The following WDR7 variants were observed in gnomAD, a reference collection of about 807,000 sequenced individuals.
The protein encoded by WDR7 is WD repeat domain 7.
In WDR7, 46 loss-of-function variants were observed where a neutral mutation model predicts 169.4. That is an observed-to-expected ratio of 0.27 (90% CI 0.21 to 0.35). WDR7 has a LOEUF of 0.35. WDR7 is among the 10% of genes least tolerant of loss of function. WDR7 has a pLI of 1.00. For synonymous variants in WDR7, 612 were observed against 666.8 expected, an observed-to-expected ratio of 0.92 and a Z score of 1.27; for missense variants, 1,534 against 1,859.3, an observed-to-expected ratio of 0.83 and a Z score of 3.22.
intron 13 of WDR7, among the ~76,000 whole-genome samples, chr18:56,719,302 G>T (rs1350682164): frequency 6.6e-6 from 1 of 152,036 alleles, no homozygotes; most frequent in African/African-American, 2.4e-5. Context: ...GGTGGCTCAC[G>T]CCTGTAATCC....
chr18:56,752,861 G>A (rs1385727015), intron 14 of WDR7, among the ~76,000 whole-genome samples: 1 of 152,192 alleles, frequency 6.6e-6, no homozygotes, highest in Non-Finnish European at 1.5e-5. Flanking sequence ...TATGACTTGA[G>A]TGGCAGAAGA....
At chr18:57,024,689 G>T (rs968864707) in intron 27 of WDR7, among the ~76,000 whole-genome samples, 4 of 140,410 alleles carry the variant, frequency 2.8e-5, no homozygotes, top group Admixed American at 6.9e-5. Context: ...ATAGGGATAT[G>T]TGAACTATGA....
intron 14 of WDR7, among the ~76,000 whole-genome samples, chr18:56,736,053 A>C (rs2026691919): frequency 6.6e-6 from 1 of 152,176 alleles, no homozygotes; most frequent in Non-Finnish European, 1.5e-5. Context: ...GCATGTCTGT[A>C]TTCAAATTAT....
At chr18:56,984,430 T>C (rs2047685827) in intron 26 of WDR7, among the ~76,000 whole-genome samples, 1 of 152,194 alleles carries the variant, frequency 6.6e-6, no homozygotes, top group African/African-American at 2.4e-5. Flanking sequence ...TAATTCACAC[T>C]TTCTAAAATG....
intron 13 of WDR7, 106 bp from the exon 14 acceptor site, chr18:56,731,277 T>C (rs1481525005): frequency 9.0e-6 from 12 of 1,337,166 alleles, no homozygotes; most frequent in Non-Finnish European, 1.1e-5. Flanking sequence ...GAGGCATTGA[T>C]AAAACATGTT....
At chr18:56,867,909 A>G (rs942939881) in intron 20 of WDR7, among the ~76,000 whole-genome samples, 1 of 152,212 alleles carries the variant, frequency 6.6e-6, no homozygotes, top group African/African-American at 2.4e-5. Context: ...AATCCTATAA[A>G]GTAGTTACAG....
chr18:56,696,171 G>A lies in WDR7; in HGVS notation c.1358-71G>A, dbSNP rs895335471. ...ATTTGTAGCTATTCTAAACATTCAT[G>A]TTTACTTTTACTTACTGAAACTTGG... is the stretch of plus-strand genomic sequence containing the variant. On this transcript the variant is annotated intron_variant, in intron 11 of 27. Transcript: ENST00000254442. 14 of 1,278,014 alleles carry A rather than the reference G, an allele frequency of 1.1e-5. 1 individual carries two copies. The Middle Eastern group carries it at 8.4e-4, about 77-fold the overall frequency. 79.2% of individuals were successfully genotyped at this position (1,278,014 alleles called of 1,614,324 possible). A position where few individuals can be genotyped will look rare whatever the true frequency, so the allele number is the denominator to read the frequency against.
chr18:56,696,117 A>G (rs2025697588), intron 11 of WDR7, 125 bp from the exon 12 acceptor site: 8 of 783,566 alleles, frequency 1.0e-5, no homozygotes, highest in Non-Finnish European at 1.6e-5. Context: ...GTGTTAGAAG[A>G]TAAAATTGGA....
At chr18:56,979,390 T>C (rs1219948235) in intron 26 of WDR7, among the ~76,000 whole-genome samples, 1 of 152,202 alleles carries the variant, frequency 6.6e-6, no homozygotes, top group East Asian at 1.9e-4. Context: ...AAGTCCCTAC[T>C]GTTGAAGACA....
At chr18:56,720,475 A>G (rs1162396234) in intron 13 of WDR7, among the ~76,000 whole-genome samples, 11 of 152,156 alleles carry the variant, frequency 7.2e-5, no homozygotes, top group Admixed American at 2.0e-4. Context: ...AAAAAACCCT[A>G]TAACTATTAA....
At chr18:56,724,702 C>T (rs531773411) in intron 13 of WDR7, among the ~76,000 whole-genome samples, 1 of 151,092 alleles carries the variant, frequency 6.6e-6, no homozygotes, top group South Asian at 2.1e-4. Context: ...GCAAAATGTG[C>T]AGGTTTGTTA....
chr18:56,882,131 A>G (rs1232124607), intron 21 of WDR7, among the ~76,000 whole-genome samples: 2 of 152,140 alleles, frequency 1.3e-5, no homozygotes, highest in Non-Finnish European at 1.5e-5. Flanking sequence ...ATCTTTTCTC[A>G]AGTTCTTCAA....
At chr18:56,859,519 T>C (rs1459393929) in intron 20 of WDR7, among the ~76,000 whole-genome samples, 1 of 152,214 alleles carries the variant, frequency 6.6e-6, no homozygotes, top group Non-Finnish European at 1.5e-5. Flanking sequence ...TTGCTCTTAG[T>C]ATTATTATAC....
intron 19 of WDR7, among the ~76,000 whole-genome samples, chr18:56,785,933 TGGAACTAAAGGTGCACA>T (rs1568193885): frequency 6.6e-6 from 1 of 151,854 alleles, no homozygotes; most frequent in Non-Finnish European, 1.5e-5. Flanking sequence ...CCTGAGTAGC[TGGAACTAAAGGTGCACA>T]CCACCATGCC....
chr18:57,008,045 TTC>T (rs776983576), intron 26 of WDR7, among the ~76,000 whole-genome samples: 9 of 152,106 alleles, frequency 5.9e-5, no homozygotes, highest in Non-Finnish European at 1.0e-4. Flanking sequence ...TCTAACATAT[TTC>T]TGTGTGCTCA....
Position 56,686,839 on chromosome 18 carries a change from A to C in WDR7, c.598-16A>C. ...AATCATGCTATTCCTAAATTTTTAC[A>C]AATCTTTCTTTTCAGGATACTGAGC... On this transcript the variant is annotated splice_polypyrimidine_tract_variant and intron_variant, in intron 6 of 27. Transcript: ENST00000254442. 7.0e-7 allele frequency: 1 copy of C among 1,438,722 alleles called. No homozygotes were observed. Among genetic ancestry groups the C allele is most frequent in the Middle Eastern group, 1.8e-4 (1 of 5,674 alleles). 89.1% of individuals were successfully genotyped at this position (1,438,722 alleles called of 1,614,324 possible).
intron 22 of WDR7, among the ~76,000 whole-genome samples, chr18:56,935,311 A>G (rs2046942979): frequency 6.6e-6 from 1 of 152,218 alleles, no homozygotes; most frequent in Non-Finnish European, 1.5e-5. Flanking sequence ...ATAATATACA[A>G]ACAAAAAATA....
At chr18:56,788,919 C>T (rs931756642) in intron 19 of WDR7, among the ~76,000 whole-genome samples, 16 of 152,110 alleles carry the variant, frequency 1.1e-4, no homozygotes, top group African/African-American at 3.9e-4. Flanking sequence ...TATTGTGAGG[C>T]AGAAAGAGTT....
intron 20 of WDR7, among the ~76,000 whole-genome samples, chr18:56,822,058 C>T (rs2045108153): frequency 6.6e-6 from 1 of 152,082 alleles, no homozygotes; most frequent in Non-Finnish European, 1.5e-5. Flanking sequence ...TCCCGAGTAG[C>T]TGGTACTACA....
Sources: gnomAD v4.1 joint callset for allele counts (sites outside exome capture counted in the v4.1 genomes callset) on GRCh38, gnomAD v4.1.1 for gene constraint, MANE v1.5 for transcripts, NCBI Gene and HGNC (gene_info 2026-07-23, HGNC 2026-07-21) for gene names.